Variants in EPHA3 observed in about 807,000 individuals in gnomAD.
EPHA3 encodes the protein ephrin type-A receptor 3.
EPHA3 carries 42 observed loss-of-function variants against 107.1 expected under a neutral mutation model. The observed-to-expected ratio is 0.39, with a 90% CI of 0.31 to 0.51. The LOEUF is 0.51. Among genes scored for constraint, EPHA3 ranks in the 20% least tolerant of loss-of-function variants. The probability of loss-of-function intolerance (pLI) is 0.78; values close to 1 mark genes in which losing one functional copy is unlikely to be tolerated. For synonymous variants in EPHA3, 461 were observed against 424.8 expected (o/e 1.09, Z -1.05); for missense variants, 1,183 against 1,211.2 (o/e 0.98, Z 0.35).
chr3:89,192,073 A>G (rs1222247130), intron 2 of EPHA3, among the ~76,000 whole-genome samples: 1 of 152,120 alleles, frequency 6.6e-6, no homozygotes, highest in Non-Finnish European at 1.5e-5. Context: ...AGGAGATATT[A>G]TTTATTTTTA....
At chr3:89,299,601 A>G (rs1448709182) in intron 3 of EPHA3, among the ~76,000 whole-genome samples, 1 of 152,032 alleles carries the variant, frequency 6.6e-6, no homozygotes, top group Non-Finnish European at 1.5e-5. Context: ...CAGCATTATT[A>G]TCAGCTTATG....
chr3:89,271,478 T>C (rs1705667542), intron 3 of EPHA3, among the ~76,000 whole-genome samples: 1 of 152,012 alleles, frequency 6.6e-6, no homozygotes, highest in African/African-American at 2.4e-5. Flanking sequence ...CTGCAGCAAC[T>C]TGGCTTTCTC....
intron 2 of EPHA3, among the ~76,000 whole-genome samples, chr3:89,186,988 T>C (rs1398884912): frequency 1.3e-5 from 2 of 152,036 alleles, no homozygotes; most frequent in African/African-American, 2.4e-5. Context: ...TGTTTCGTCT[T>C]CTAATAAAAT....
At chr3:89,277,893 T>A (rs1285259322) in intron 3 of EPHA3, among the ~76,000 whole-genome samples, 1 of 152,166 alleles carries the variant, frequency 6.6e-6, no homozygotes, top group African/African-American at 2.4e-5. Flanking sequence ...CCATGGATGG[T>A]GAATATAATT....
chr3:89,445,050 G>A (rs1709854194), intron 13 of EPHA3, among the ~76,000 whole-genome samples: 1 of 152,158 alleles, frequency 6.6e-6, no homozygotes, highest in Non-Finnish European at 1.5e-5. Flanking sequence ...AAAATGACTT[G>A]AGGCCAAGAG....
At chr3:89,391,940 T>C (rs1003204670) in intron 5 of EPHA3, among the ~76,000 whole-genome samples, 3 of 152,186 alleles carry the variant, frequency 2.0e-5, no homozygotes, top group African/African-American at 7.2e-5. Context: ...CCAGACATTA[T>C]TTTAAATTTG....
chr3:89,277,842 T>A (rs1705846938), intron 3 of EPHA3, among the ~76,000 whole-genome samples: 1 of 152,162 alleles, frequency 6.6e-6, no homozygotes, highest in South Asian at 2.1e-4. Context: ...TGTTTTCTCC[T>A]TTTTAAACAT....
intron 3 of EPHA3, among the ~76,000 whole-genome samples, chr3:89,305,497 CTTAAA>C (rs1706594593): frequency 1.3e-5 from 2 of 152,040 alleles, no homozygotes; most frequent in African/African-American, 2.4e-5. Flanking sequence ...TTTAGAAAAT[CTTAAA>C]TTAAAGTTGC....
chr3:89,287,579 T>A (rs1423282070), intron 3 of EPHA3, among the ~76,000 whole-genome samples: 1 of 152,010 alleles, frequency 6.6e-6, no homozygotes, highest in African/African-American at 2.4e-5. Context: ...TGGGAATATA[T>A]ATTATACAGG....
chr3:89,124,452 A>T (rs1408511605), intron 1 of EPHA3, among the ~76,000 whole-genome samples: 1 of 152,124 alleles, frequency 6.6e-6, no homozygotes, highest in African/African-American at 2.4e-5. Flanking sequence ...AGTATTTAGA[A>T]TTCTTAGACG....
intron 5 of EPHA3, among the ~76,000 whole-genome samples, chr3:89,375,518 G>A (rs1441101769): frequency 2.0e-5 from 3 of 151,588 alleles, no homozygotes; most frequent in Admixed American, 6.6e-5. Flanking sequence ...TTGCTTCAGA[G>A]TTATCCCACA....
intron 2 of EPHA3, among the ~76,000 whole-genome samples, chr3:89,176,827 A>G (rs975965168): frequency 6.6e-6 from 1 of 152,234 alleles, no homozygotes; most frequent in African/African-American, 2.4e-5. Context: ...TGAATTGAAG[A>G]AAATAAAATT....
At chr3:89,447,137 A>G (rs936000654) in intron 13 of EPHA3, among the ~76,000 whole-genome samples, 1 of 152,192 alleles carries the variant, frequency 6.6e-6, no homozygotes, top group Non-Finnish European at 1.5e-5. Flanking sequence ...TGATCTAGGC[A>G]TATGTAGATG....
At chr3:89,470,887 A>G (rs1462803552) in intron 15 of EPHA3, among the ~76,000 whole-genome samples, 4 of 152,176 alleles carry the variant, frequency 2.6e-5, no homozygotes, top group African/African-American at 7.2e-5. Context: ...ATCAGTGCCT[A>G]ACAGGTACTG....
At chr3:89,158,582 C>T (rs1704855718) in intron 2 of EPHA3, among the ~76,000 whole-genome samples, 1 of 152,112 alleles carries the variant, frequency 6.6e-6, no homozygotes, top group Non-Finnish European at 1.5e-5. Context: ...CTTATTATGT[C>T]TGCTTTTCCC....
At chr3:89,109,770 A>G (rs1707057279) in intron 1 of EPHA3, among the ~76,000 whole-genome samples, 2 of 152,068 alleles carry the variant, frequency 1.3e-5, no homozygotes, top group Admixed American at 1.3e-4. Context: ...AGAAAGGTAA[A>G]TATATTCAGA....
intron 2 of EPHA3, among the ~76,000 whole-genome samples, chr3:89,133,100 C>T (rs1051268341): frequency 6.6e-6 from 1 of 152,084 alleles, no homozygotes; most frequent in African/African-American, 2.4e-5. Flanking sequence ...TGAGGTTCTC[C>T]CATTTTAATT....
chr3:89,298,241 A>G (rs1411911976), intron 3 of EPHA3, among the ~76,000 whole-genome samples: 2 of 152,080 alleles, frequency 1.3e-5, no homozygotes, highest in African/African-American at 4.8e-5. Context: ...CTAAAAACTG[A>G]AGGGGAACTT....
At chr3:89,360,729 A>C (rs1708075492) in intron 5 of EPHA3, among the ~76,000 whole-genome samples, 1 of 151,068 alleles carries the variant, frequency 6.6e-6, no homozygotes. Flanking sequence ...GGAACATGAA[A>C]AACAAGCCTC....
Sources: gnomAD v4.1 joint callset for allele counts (sites outside exome capture counted in the v4.1 genomes callset) on GRCh38, gnomAD v4.1.1 for gene constraint, MANE v1.5 for transcripts, NCBI Gene and HGNC (gene_info 2026-07-23, HGNC 2026-07-21) for gene names.